The following CNTN5 variants were observed in gnomAD, a reference collection of about 807,000 sequenced individuals.
The protein encoded by CNTN5 is contactin-5.
A neutral mutation model predicts 129.1 loss-of-function variants in CNTN5; 77 were observed. That is an observed-to-expected ratio of 0.60 (90% CI 0.50 to 0.72). The LOEUF (loss-of-function observed/expected upper bound fraction) is 0.72. CNTN5 is among the 30% of genes least tolerant of loss of function. CNTN5 has a pLI of 0.00. For synonymous variants in CNTN5, 509 were observed against 465.6 expected, an observed-to-expected ratio of 1.09 and a Z score of -1.20; for missense variants, 1,478 against 1,328.8, an observed-to-expected ratio of 1.11 and a Z score of -1.75.
At chr11:99,418,355 A>G (rs1167855386) in intron 2 of CNTN5, among the ~76,000 whole-genome samples, 1 of 152,138 alleles carries the variant, frequency 6.6e-6, no homozygotes, top group Non-Finnish European at 1.5e-5. Context: ...TTGTTTTGGC[A>G]CATTTCTTTA....
At chr11:99,732,751 A>G (rs554977772) in intron 3 of CNTN5, among the ~76,000 whole-genome samples, 1 of 152,316 alleles carries the variant, frequency 6.6e-6, no homozygotes, top group Non-Finnish European at 1.5e-5. Context: ...ACATTTTAGT[A>G]AGAAAGGGAT....
chr11:100,074,799 G>A (rs1220335584), intron 13 of CNTN5, among the ~76,000 whole-genome samples: 8 of 152,154 alleles, frequency 5.3e-5, no homozygotes, highest in Non-Finnish European at 1.0e-4. Flanking sequence ...AGGCAAATGA[G>A]AAGTGAGCAG....
chr11:99,699,540 T>C (rs897985215), intron 3 of CNTN5, among the ~76,000 whole-genome samples: 1 of 151,526 alleles, frequency 6.6e-6, no homozygotes, highest in South Asian at 2.1e-4. Context: ...AACAATACTC[T>C]GATTTTTTAT....
rs75265607 is a variant in CNTN5, at chr11:99,563,849, C to G, written c.55+7580C>G. Among the ~76,000 whole-genome samples the G allele has an allele frequency of 7.9e-5, 12 of 152,254 alleles. No homozygotes were observed. The East Asian group carries it at 2.3e-3, about 29-fold the overall frequency. Reference sequence around the variant, plus strand: ...CCCCAGTTTACAAGCACTTTTCATGCCTCTGTTATATTTGCTAATATTTCA... The same window carrying G: ...CCCCAGTTTACAAGCACTTTTCATGGCTCTGTTATATTTGCTAATATTTCA... On this transcript the variant is annotated intron_variant, in intron 3 of 24. Transcript: ENST00000524871.
At chr11:100,088,010 T>C (rs576777949) in intron 13 of CNTN5, among the ~76,000 whole-genome samples, 1 of 151,298 alleles carries the variant, frequency 6.6e-6, no homozygotes, top group African/African-American at 2.4e-5. Context: ...TGAATGACTT[T>C]TGAGTAAAAC....
chr11:99,501,002 T>A (rs931893123), intron 2 of CNTN5, among the ~76,000 whole-genome samples: 1 of 152,232 alleles, frequency 6.6e-6, no homozygotes, highest in Non-Finnish European at 1.5e-5. Flanking sequence ...AGATCCTTGA[T>A]ATATGCACCA....
intron 9 of CNTN5, among the ~76,000 whole-genome samples, chr11:100,024,996 TAG>T (rs1464655186): frequency 1.3e-5 from 2 of 152,212 alleles, no homozygotes; most frequent in Non-Finnish European, 2.9e-5. Flanking sequence ...AAAACTTTTA[TAG>T]CTAATGGGAA....
intron 3 of CNTN5, among the ~76,000 whole-genome samples, chr11:99,578,865 C>T (rs868806002): frequency 3.3e-4 from 50 of 152,060 alleles, no homozygotes; most frequent in African/African-American, 8.9e-4. Context: ...TGGCTTTTGT[C>T]GCCATTGCTT....
intron 1 of CNTN5, among the ~76,000 whole-genome samples, chr11:99,056,224 C>T (rs910090558): frequency 2.6e-5 from 4 of 151,956 alleles, no homozygotes; most frequent in East Asian, 1.9e-4. Context: ...TCACCAAATA[C>T]GTATTTTCTA....
At chr11:99,916,471 G>C (rs1385031270) in intron 7 of CNTN5, among the ~76,000 whole-genome samples, 1 of 152,138 alleles carries the variant, frequency 6.6e-6, no homozygotes, top group African/African-American at 2.4e-5. Context: ...TTTCAAAATA[G>C]TTTGGAGTAT....
intron 2 of CNTN5, among the ~76,000 whole-genome samples, chr11:99,443,109 AAAAT>A (rs1227932565): frequency 3.3e-5 from 5 of 152,256 alleles, no homozygotes; most frequent in African/African-American, 1.2e-4. Flanking sequence ...GAAAATGAAA[AAAAT>A]AAACAGACAA....
chr11:100,113,288 A>G (rs547326771), intron 13 of CNTN5, among the ~76,000 whole-genome samples: 114 of 151,752 alleles, frequency 7.5e-4, no homozygotes, highest in African/African-American at 2.5e-3. Flanking sequence ...TTTTAAGAGC[A>G]AAATGTAGCT....
chr11:99,955,315 A>G (rs1950772302), intron 7 of CNTN5, among the ~76,000 whole-genome samples: 1 of 151,896 alleles, frequency 6.6e-6, no homozygotes, highest in Non-Finnish European at 1.5e-5. Flanking sequence ...GAAGTATTTC[A>G]ATTATACTTT....
chr11:99,863,707 T>G (rs1288686516), intron 6 of CNTN5, among the ~76,000 whole-genome samples: 1 of 152,236 alleles, frequency 6.6e-6, no homozygotes, highest in Non-Finnish European at 1.5e-5. Context: ...CTAAAATTTA[T>G]AGCTACTATT....
intron 13 of CNTN5, among the ~76,000 whole-genome samples, chr11:100,140,885 T>C (rs1946678684): frequency 6.6e-6 from 1 of 152,088 alleles, no homozygotes; most frequent in Non-Finnish European, 1.5e-5. Context: ...ATATTTTTAG[T>C]GAACAGGAAA....
chr11:99,163,026 G>A (rs891062537), intron 1 of CNTN5, among the ~76,000 whole-genome samples: 2 of 152,120 alleles, frequency 1.3e-5, no homozygotes, highest in African/African-American at 2.4e-5. Flanking sequence ...TTTCACAACC[G>A]AAGTTGCCTT....
At chr11:99,634,061 G>T (rs1383556158) in intron 3 of CNTN5, among the ~76,000 whole-genome samples, 1 of 152,102 alleles carries the variant, frequency 6.6e-6, no homozygotes, top group African/African-American at 2.4e-5. Flanking sequence ...AGAGATCCTC[G>T]GGTTTGTGTT....
chr11:99,819,433 TG>T, intron 3 of CNTN5, 110 bp from the exon 4 acceptor site: 1 of 844,996 alleles, frequency 1.2e-6, no homozygotes, highest in East Asian at 2.7e-5. Flanking sequence ...TGAATTTGCT[TG>T]CAGCTCCAAA....
intron 24 of CNTN5, among the ~76,000 whole-genome samples, chr11:100,353,638 T>A (rs1413228158): frequency 1.3e-5 from 2 of 151,628 alleles, no homozygotes; most frequent in African/African-American, 4.8e-5. Flanking sequence ...GTCTTTGTCA[T>A]CTCGCCTTTC....
Sources: allele counts gnomAD v4.1 joint callset (sites outside exome capture counted in the v4.1 genomes callset), GRCh38; gene constraint gnomAD v4.1.1; transcripts MANE v1.5; gene names NCBI Gene and HGNC (gene_info 2026-07-23, HGNC 2026-07-21).